Variants in ELP5 observed in about 807,000 individuals in gnomAD.
The protein encoded by ELP5 is elongator complex protein 5.
ELP5 carries 34 observed loss-of-function variants against 33.4 expected under a neutral mutation model. The observed-to-expected ratio is 1.02, with a 90% confidence interval of 0.78 to 1.36. The LOEUF (loss-of-function observed/expected upper bound fraction) is 1.36. Ranked by LOEUF, ELP5 falls within the 40% of genes most tolerant of loss-of-function variation. ELP5 has a pLI of 0.00. For synonymous variants in ELP5, 161 were observed against 146.4 expected (o/e 1.10, Z -0.72); for missense variants, 373 against 371.7 (o/e 1.00, Z -0.03).
chr17:7,257,118 T>C (rs1317457771), intron 5 of ELP5, 80 bp downstream of exon 5: 6 of 1,411,902 alleles, frequency 4.2e-6, no homozygotes, highest in East Asian at 5.0e-5. Context: ...ATGAAAATGC[T>C]GATGTTTCAA....
At chr17:7,254,366 C>T (rs1305944905) in intron 3 of ELP5, among the ~76,000 whole-genome samples, 1 of 152,174 alleles carries the variant, frequency 6.6e-6, no homozygotes, top group Non-Finnish European at 1.5e-5. Flanking sequence ...GTTAGCTGAC[C>T]TTGGGCAAGT....
At position 7,254,676 on chromosome 17, in the gene ELP5, G is replaced by A; in HGVS notation, c.282G>A (p.Met94Ile). The change falls in exon 4 of 8, where the codon ATG becomes ATA. Residue 94 changes from methionine (M) to isoleucine (I), a missense_variant. Coordinates refer to ENST00000396628, the MANE Select transcript of ELP5 (RefSeq NM_203414.3). ...PGGPLGALRA[M>I]CKRTDPVPVT... The stretch of plus-strand genomic sequence containing the variant: ...GGCCGCTGGGAGCCTTGAGAGCCAT[G>A]TGCAAGAGGACAGATCCTGTTCCTG... The A allele has an allele frequency of 1.9e-6, 3 of 1,614,132 alleles. No homozygotes were observed. Among genetic ancestry groups the A allele is most frequent in the Non-Finnish European group, 2.5e-6 (3 of 1,180,024 alleles).
At chr17:7,252,873 C>T in intron 2 of ELP5, 43 bp downstream of exon 2, 1 of 1,614,094 alleles carries the variant, frequency 6.2e-7, no homozygotes, top group South Asian at 1.1e-5. Context: ...CTGGATAGGG[C>T]ACCTGTGCCC....
rs1159735321 is a variant in ELP5, at chr17:7,252,438, C to T, written c.-113C>T. 4.0e-6 allele frequency: 6 copies of T among 1,512,024 alleles called. No homozygotes were observed. The African/African-American group carries it at 5.5e-5, about 14-fold the overall frequency. The allele number at this position is 1,512,024 out of a possible 1,614,324, so 93.7% of individuals were successfully genotyped here. A position where few individuals can be genotyped will look rare whatever the true frequency, so the allele number is the denominator to read the frequency against. On this transcript the variant is annotated 5_prime_UTR_variant, in exon 1 of 8. Coordinates refer to ENST00000396628, the MANE Select transcript of ELP5 (RefSeq NM_203414.3). ...CCTCTCATTCCAGACTATGTTAGGTCTTAATGGTGGGAGGACGCCCGAGTG... is the reference window on the plus strand; with the variant it reads ...CCTCTCATTCCAGACTATGTTAGGTTTTAATGGTGGGAGGACGCCCGAGTG...
At chr17:7,259,305 G>A (rs955358597) in intron 7 of ELP5, 35 of 1,386,436 alleles carry the variant, frequency 2.5e-5, no homozygotes, top group South Asian at 2.1e-4. Flanking sequence ...TGCCCAGTAT[G>A]TGGGCGGATG....
upstream of ELP5, chr17:7,251,988 G>A (rs760581451): frequency 6.2e-4 from 113 of 181,208 alleles, no homozygotes; most frequent in Non-Finnish European, 9.7e-4. Context: ...CCCTCTTCCT[G>A]TCTTTCCCCC....
Position 7,258,683 on chromosome 17 carries a change from G to A in ELP5, c.687G>A (p.Pro229=), listed in dbSNP as rs942367154. Residue 229 remains proline, a splice_region_variant and synonymous_variant, in exon 6 of 8, where the codon CCG becomes CCA. Transcript: ENST00000396628. ...CCTACTCCGATCCTCATATACCCCC[G>A]GTATCTAAGAATGCCAAGGCCAGAA... ...SQPYSDPHIP[P]VDPTTHLTFN... is the part of the protein sequence containing the mutation. The A allele has an allele frequency of 3.2e-5, 51 of 1,613,974 alleles. No homozygotes were observed. Among genetic ancestry groups the A allele is most frequent in the Non-Finnish European group, 3.7e-5 (44 of 1,180,026 alleles).
At chr17:7,252,734 C>A (rs1197417008) in intron 1 of ELP5, 36 bp from the exon 2 acceptor site, 9 of 1,613,644 alleles carry the variant, frequency 5.6e-6, no homozygotes, top group Non-Finnish European at 7.6e-6. Context: ...GTAATCCCAG[C>A]GCTCTCATAC....
rs2072167357 is a variant in ELP5, at chr17:7,259,647, C to T, written c.865C>T (p.Leu289=). The change falls in exon 8 of 8, where the codon CTG becomes TTG. Residue 289 remains leucine (L), a synonymous_variant. Coordinates refer to ENST00000396628, the MANE Select transcript of ELP5 (RefSeq NM_203414.3). The stretch of plus-strand genomic sequence containing the variant: ...CTATGAGCCAGATGCTTATGATGAC[C>T]TGGACCAAGAAGACCCAGATGACGA... ...IFYEPDAYDD[L]DQEDPDDDLD... The T allele has an allele frequency of 5.6e-6, 9 of 1,614,124 alleles. No individual in the cohort carries two copies. In the East Asian group the frequency reaches 1.8e-4, roughly 32 times the overall value.
rs1329529331 is a variant in ELP5 at position 7,254,757 on chromosome 17, A to T, written c.363A>T (p.Thr121=). ...TGCTACTTCGCCTTCCCTGCACCAC[A>T]CTCTGCCAGGTCCTGCATGCTGTGA... The part of the protein sequence containing the change: ...SWLLLRLPCT[T]LCQVLHAVSH... Residue 121 remains threonine (T), a synonymous_variant, in exon 4 of 8, where the codon ACA becomes ACT. Coordinates refer to ENST00000396628, the MANE Select transcript of ELP5 (RefSeq NM_203414.3). 12 of 1,612,874 alleles carry T rather than the reference A, an allele frequency of 7.4e-6. No homozygotes were observed. The highest frequency in any genetic ancestry group is 1.0e-5 in the Non-Finnish European group (12 of 1,179,670).
In ELP5 at chr17:7,259,624, A is replaced by G. The variant is rs773955632; in HGVS notation, c.842A>G (p.Tyr281Cys). 17 of 1,614,128 alleles carry G rather than the reference A, an allele frequency of 1.1e-5. No homozygotes were observed. The highest frequency in any genetic ancestry group is 1.6e-4 in the Middle Eastern group (1 of 6,084). Residue 281 changes from tyrosine to cysteine, a missense_variant, in exon 8 of 8, where the codon TAT becomes TGT. Coordinates refer to ENST00000396628, the MANE Select transcript of ELP5 (RefSeq NM_203414.3). ...RPGQATSHIFYEPDAYDDLDQ... is the reference protein window; with the variant it reads ...RPGQATSHIFCEPDAYDDLDQ... ...GGGCAGGCTACCAGCCACATCTTCT[A>G]TGAGCCAGATGCTTATGATGACCTG...
Position 7,254,757 on chromosome 17 carries a change from A to G in ELP5, c.363A>G (p.Thr121=). 1 of 1,612,874 alleles carries G rather than the reference A, an allele frequency of 6.2e-7. No homozygotes were observed. The highest frequency in any genetic ancestry group is 2.2e-5 in the East Asian group (1 of 44,796). Residue 121 remains threonine, a synonymous_variant, in exon 4 of 8, where the codon ACA becomes ACG. Transcript: ENST00000396628. ...TGCTACTTCGCCTTCCCTGCACCACACTCTGCCAGGTCCTGCATGCTGTGA... is the reference window on the plus strand; with the variant it reads ...TGCTACTTCGCCTTCCCTGCACCACGCTCTGCCAGGTCCTGCATGCTGTGA... The part of the protein sequence containing the change: ...SWLLLRLPCT[T]LCQVLHAVSH...
intron 5 of ELP5, 99 bp downstream of exon 5, chr17:7,257,137 T>C (rs2072096406): frequency 1.5e-6 from 2 of 1,329,626 alleles, no homozygotes; most frequent in African/African-American, 1.5e-5. Flanking sequence ...AAGGAGACTT[T>C]AAAAACAAAC....
At chr17:7,258,021 TC>T (rs2143001374) in intron 5 of ELP5, among the ~76,000 whole-genome samples, 1 of 151,290 alleles carries the variant, frequency 6.6e-6, no homozygotes, top group South Asian at 2.1e-4. Context: ...TGAGCCGAGA[TC>T]ATGCCACTAC....
At position 7,259,591 on chromosome 17, in the gene ELP5, C is replaced by T. The variant is rs955304804; in HGVS notation, c.809C>T (p.Pro270Leu). ...SSEKQQALLR[P>L]RPGQATSHIF... ...CTCAGACAGCAGGCTCTCCTGCGGCCTAGGCCAGGGCAGGCTACCAGCCAC... is the reference window on the plus strand; with the variant it reads ...CTCAGACAGCAGGCTCTCCTGCGGCTTAGGCCAGGGCAGGCTACCAGCCAC... The change falls in exon 8 of 8, where the codon CCT becomes CTT. Residue 270 changes from proline to leucine, a missense_variant. Pro to Leu is a moderately conservative substitution (Grantham distance 98, BLOSUM62 -3). Transcript: ENST00000396628. The T allele has an allele frequency of 1.2e-6, 2 of 1,614,252 alleles. No homozygotes were observed. The highest frequency in any genetic ancestry group is 1.7e-5 in the Admixed American group (1 of 60,030).
At position 7,253,106 on chromosome 17, in the gene ELP5, T is replaced by G. The variant is rs970807650; in HGVS notation, c.188+108T>G. ...GTATGTAGTAGCAGTTCCTTAAATA[T>G]TCATTGAAGAATTGGATATGGATCT... On this transcript the variant is annotated intron_variant, in intron 3 of 7. Coordinates refer to ENST00000396628, the MANE Select transcript of ELP5 (RefSeq NM_203414.3). 1.1e-5 allele frequency: 12 copies of G among 1,067,782 alleles called. No individual in the cohort carries two copies. In the African/African-American group the frequency reaches 1.9e-4, roughly 17 times the overall value. 66.1% of individuals were successfully genotyped at this position (1,067,782 alleles called of 1,614,324 possible).
chr17:7,259,575 C>A lies in ELP5; in HGVS notation c.793C>A (p.Gln265Lys). The A allele has an allele frequency of 1.9e-6, 3 of 1,614,204 alleles. No individual in the cohort carries two copies. The highest frequency in any genetic ancestry group is 2.5e-6 in the Non-Finnish European group (3 of 1,180,032). Residue 265 changes from glutamine to lysine, a missense_variant, in exon 8 of 8, where the codon CAG (glutamine) becomes AAG (lysine). Transcript: ENST00000396628. The part of the protein sequence containing the change: ...LPFQFSSEKQ[Q>K]ALLRPRPGQA... ...CACCAAATCTTCCCTTCTCAGACAG[C>A]AGGCTCTCCTGCGGCCTAGGCCAGG...
chr17:7,253,778 C>G (rs569021879), intron 3 of ELP5, among the ~76,000 whole-genome samples: 1 of 152,238 alleles, frequency 6.6e-6, no homozygotes, highest in Admixed American at 6.5e-5. Flanking sequence ...GGTGGATCAC[C>G]TGAGGTCTGG....
At chr17:7,259,188 C>T (rs1467630832) in intron 7 of ELP5, 2 of 1,394,676 alleles carry the variant, frequency 1.4e-6, no homozygotes, top group African/African-American at 2.9e-5. Flanking sequence ...CAGACCAGAC[C>T]CTTGGGAGGT....
Sources: allele counts gnomAD v4.1 joint callset (sites outside exome capture counted in the v4.1 genomes callset), GRCh38; gene constraint gnomAD v4.1.1; transcripts MANE v1.5; gene names NCBI Gene and HGNC (gene_info 2026-07-23, HGNC 2026-07-21).